The following BRINP3 variants were observed in gnomAD, a reference collection of about 807,000 sequenced individuals.
The protein encoded by BRINP3 is BMP/retinoic acid-inducible neural-specific protein 3.
A neutral mutation model predicts 71.0 loss-of-function variants in BRINP3; 19 were observed. That is an observed-to-expected ratio of 0.27 (90% CI 0.19 to 0.39). BRINP3 has a LOEUF of 0.39. Ranked by LOEUF, BRINP3 falls within the 10% of genes least tolerant of loss-of-function variation. The pLI is 1.00. For synonymous variants in BRINP3, 380 were observed against 337.7 expected (o/e 1.13, Z -1.37); for missense variants, 959 against 940.8 (o/e 1.02, Z -0.25).
intron 7 of BRINP3, among the ~76,000 whole-genome samples, chr1:190,107,245 C>T (rs1407075071): frequency 1.3e-5 from 2 of 151,826 alleles, no homozygotes; most frequent in African/African-American, 2.4e-5. Flanking sequence ...GTTGTCATTA[C>T]TCAATAAGAT....
chr1:190,284,951 T>C (rs899883791), intron 2 of BRINP3, among the ~76,000 whole-genome samples: 1 of 152,142 alleles, frequency 6.6e-6, no homozygotes, highest in Non-Finnish European at 1.5e-5. Flanking sequence ...CCATTGTGTA[T>C]ATCCAAAAGA....
intron 3 of BRINP3, among the ~76,000 whole-genome samples, chr1:190,265,693 C>T (rs1426097494): frequency 3.3e-5 from 5 of 150,876 alleles, no homozygotes; most frequent in Non-Finnish European, 1.5e-5. Flanking sequence ...CCAGCCTGGG[C>T]GACAGAGCGA....
intron 2 of BRINP3, among the ~76,000 whole-genome samples, chr1:190,384,138 C>A (rs933580092): frequency 9.9e-5 from 15 of 151,102 alleles, no homozygotes; most frequent in African/African-American, 3.6e-4. Context: ...ATAATATTGG[C>A]CACAAATGTT....
At chr1:190,287,425 T>C (rs2102954846) in intron 2 of BRINP3, among the ~76,000 whole-genome samples, 1 of 152,234 alleles carries the variant, frequency 6.6e-6, no homozygotes, top group Admixed American at 6.5e-5. Flanking sequence ...CCTTGATACA[T>C]CAAACTTTTT....
At chr1:190,218,446 G>A (rs1401000796) in intron 6 of BRINP3, among the ~76,000 whole-genome samples, 1 of 151,806 alleles carries the variant, frequency 6.6e-6, no homozygotes, top group Non-Finnish European at 1.5e-5. Flanking sequence ...GTATTTTATT[G>A]TAATTTGAAG....
intron 2 of BRINP3, among the ~76,000 whole-genome samples, chr1:190,304,025 TAAATGTTTAATTTTAAAA>T (rs1005416861): frequency 6.6e-6 from 1 of 151,642 alleles, no homozygotes; most frequent in African/African-American, 2.4e-5. Context: ...TCAAATAAAA[TAAATGTTTAATTTTAAAA>T]AAATGGAAAC....
chr1:190,125,813 G>A lies in BRINP3; in HGVS notation c.1185-26679C>T, dbSNP rs575893835. ...AAGTTCTGCTCTCTGGATTGTGACT[G>A]ATATGATATATTCAACTTCTAAGGC... On this transcript the variant is annotated intron_variant, in intron 7 of 7. Transcript: ENST00000367462. Among the ~76,000 whole-genome samples, 5 of 152,078 alleles carry A rather than the reference G, an allele frequency of 3.3e-5. No individual in the cohort carries two copies. The East Asian group carries it at 5.8e-4, about 18-fold the overall frequency.
In BRINP3 at chr1:190,099,083, C is replaced by T. The variant is rs1248756736; in HGVS notation, c.1236G>A (p.Glu412=). The T allele has an allele frequency of 6.2e-7, 1 of 1,614,130 alleles. No homozygotes were observed. The highest frequency in any genetic ancestry group is 1.1e-5 in the South Asian group (1 of 91,080). ...TRIQSFLYCN[E]NGLLGSFSEE... Reference sequence around the variant, plus strand: ...CTGAAAAGCTGCCTAGGAGGCCGTTCTCATTGCAGTAGAGAAAAGACTGGA... The same window carrying T: ...CTGAAAAGCTGCCTAGGAGGCCGTTTTCATTGCAGTAGAGAAAAGACTGGA... Residue 412 remains glutamate (E), a synonymous_variant, in exon 8 of 8, where the codon GAG becomes GAA. Transcript: ENST00000367462.
rs1670833000 is a variant in BRINP3 at position 190,385,504 on chromosome 1, A to C, written c.236+69151T>G. Among the ~76,000 whole-genome samples, 3 of 151,932 alleles carry C rather than the reference A, an allele frequency of 2.0e-5. No homozygotes were observed. The South Asian group carries it at 6.2e-4, about 32-fold the overall frequency. Reference sequence around the variant, plus strand: ...AATGCTCATCATCACTGGCCATCAGAGAAATGCAAATCAAAACCACAATGA... The same window carrying C: ...AATGCTCATCATCACTGGCCATCAGCGAAATGCAAATCAAAACCACAATGA... On this transcript the variant is annotated intron_variant, in intron 2 of 7. Transcript: ENST00000367462.
At chr1:190,108,360 G>A (rs998185859) in intron 7 of BRINP3, among the ~76,000 whole-genome samples, 8 of 151,710 alleles carry the variant, frequency 5.3e-5, no homozygotes, top group South Asian at 2.1e-4. Context: ...GTGTGTGTGC[G>A]CACACGCTGG....
chr1:190,111,240 A>AATTACTTTG lies in BRINP3; in HGVS notation c.1185-12115_1185-12107dup, dbSNP rs540062646. Among the ~76,000 whole-genome samples, 383 of 150,582 alleles carry AATTACTTTG rather than the reference A, an allele frequency of 2.5e-3. 2 individuals are homozygous for AATTACTTTG. Among genetic ancestry groups the AATTACTTTG allele is most frequent in the African/African-American group, 9.0e-3 (369 of 41,016 alleles). On this transcript the variant is annotated intron_variant, in intron 7 of 7. Coordinates refer to ENST00000367462, the MANE Select transcript of BRINP3 (RefSeq NM_199051.3). ...AACTTTAATTGGAACAGAGGAAGGG[A>AATTACTTTG]ATTACTTTGGACCCGATGGTAATCA...
chr1:190,389,529 A>C (rs1671118012), intron 2 of BRINP3, among the ~76,000 whole-genome samples: 1 of 151,810 alleles, frequency 6.6e-6, no homozygotes, highest in South Asian at 2.1e-4. Flanking sequence ...CCAAAGAACC[A>C]CTATAAAGGG....
intron 2 of BRINP3, among the ~76,000 whole-genome samples, chr1:190,365,806 GTATATATATATATA>G (rs66540359): frequency 7.8e-5 from 10 of 127,876 alleles, no homozygotes; most frequent in Non-Finnish European, 1.5e-4. Flanking sequence ...GAGAGCAAGT[GTATATATATATATA>G]TATATATATA....
chr1:190,288,725 G>A (rs965664250), intron 2 of BRINP3, among the ~76,000 whole-genome samples: 1 of 151,790 alleles, frequency 6.6e-6, no homozygotes, highest in African/African-American at 2.4e-5. Flanking sequence ...GTGCCAGGAT[G>A]TTAATTTTTA....
chr1:190,368,581 T>C (rs1669658101), intron 2 of BRINP3, among the ~76,000 whole-genome samples: 1 of 152,096 alleles, frequency 6.6e-6, no homozygotes, highest in African/African-American at 2.4e-5. Context: ...CAGGGCCCAT[T>C]TAAGATTAAA....
chr1:190,355,273 G>A (rs1668657586), intron 2 of BRINP3, among the ~76,000 whole-genome samples: 1 of 151,810 alleles, frequency 6.6e-6, no homozygotes, highest in African/African-American at 2.4e-5. Flanking sequence ...TCCTAGTAAT[G>A]TAAATAAGAA....
At chr1:190,132,925 C>G (rs939083876) in intron 7 of BRINP3, among the ~76,000 whole-genome samples, 2 of 152,080 alleles carry the variant, frequency 1.3e-5, no homozygotes, top group Non-Finnish European at 2.9e-5. Flanking sequence ...TCAAAAAGCA[C>G]TTTGACAAGT....
intron 2 of BRINP3, among the ~76,000 whole-genome samples, chr1:190,288,281 A>G (rs1212742986): frequency 6.6e-6 from 1 of 151,990 alleles, no homozygotes; most frequent in African/African-American, 2.4e-5. Context: ...GAGCTAAAAT[A>G]AAATAAAATA....
chr1:190,403,575 G>A (rs1672074920), intron 2 of BRINP3, among the ~76,000 whole-genome samples: 1 of 152,226 alleles, frequency 6.6e-6, no homozygotes, highest in African/African-American at 2.4e-5. Flanking sequence ...AACAGGGAAT[G>A]TAGAGCTTGT....
Sources: allele counts gnomAD v4.1 joint callset (sites outside exome capture counted in the v4.1 genomes callset), GRCh38; gene constraint gnomAD v4.1.1; transcripts MANE v1.5; gene names NCBI Gene and HGNC (gene_info 2026-07-23, HGNC 2026-07-21).